CTNNA2: variants seen among roughly 807,000 people sequenced by gnomAD.
CTNNA2 encodes the protein catenin alpha 2.
A neutral mutation model predicts 101.0 loss-of-function variants in CTNNA2; 42 were observed. The observed-to-expected ratio is 0.42, with a 90% confidence interval of 0.32 to 0.54. The LOEUF (loss-of-function observed/expected upper bound fraction) is 0.54. Ranked by LOEUF, CTNNA2 falls within the 20% of genes least tolerant of loss-of-function variation. The pLI, the probability that CTNNA2 is intolerant of heterozygous loss-of-function variation, is 0.14. For synonymous variants in CTNNA2, 450 were observed against 456.4 expected (o/e 0.99, Z 0.18); for missense variants, 871 against 1,223.1 (o/e 0.71, Z 4.29).
intron 15 of CTNNA2, among the ~76,000 whole-genome samples, chr2:80,601,344 A>G (rs1697493026): frequency 6.7e-6 from 1 of 150,316 alleles, no homozygotes. Flanking sequence ...TAGCATTGAG[A>G]TTATCTTCTC....
intron 7 of CTNNA2, among the ~76,000 whole-genome samples, chr2:80,374,584 C>A (rs918998415): frequency 1.3e-5 from 2 of 151,808 alleles, no homozygotes; most frequent in African/African-American, 4.8e-5. Context: ...ATGAAGGAGT[C>A]AACAGGGTTG....
intron 2 of CTNNA2, among the ~76,000 whole-genome samples, chr2:79,237,372 G>A (rs1184635238): frequency 6.6e-6 from 1 of 152,190 alleles, no homozygotes; most frequent in Non-Finnish European, 1.5e-5. Context: ...TTCAGGCTTT[G>A]TTCATTCATT....
At chr2:79,644,965 G>T (rs774253936) in intron 1 of CTNNA2, among the ~76,000 whole-genome samples, 1 of 151,764 alleles carries the variant, frequency 6.6e-6, no homozygotes. Flanking sequence ...GACAATTTAG[G>T]TTCAAGTTTT....
chr2:79,391,044 T>C (rs1388202452), intron 4 of CTNNA2, among the ~76,000 whole-genome samples: 1 of 152,200 alleles, frequency 6.6e-6, no homozygotes, highest in East Asian at 1.9e-4. Flanking sequence ...GAGGAGGTTC[T>C]GATCCCCACT....
At chr2:80,368,271 G>C (rs1464571924) in intron 7 of CTNNA2, among the ~76,000 whole-genome samples, 2 of 152,032 alleles carry the variant, frequency 1.3e-5, no homozygotes, top group Admixed American at 1.3e-4. Flanking sequence ...GTTGCACTGA[G>C]GATTAAAATG....
intron 2 of CTNNA2, among the ~76,000 whole-genome samples, chr2:79,215,193 G>T (rs1029009062): frequency 6.6e-6 from 1 of 152,154 alleles, no homozygotes; most frequent in Non-Finnish European, 1.5e-5. Context: ...TTTCAGTGGG[G>T]TCCTGCACAG....
chr2:80,386,594 A>G (rs1161266455), intron 7 of CTNNA2, among the ~76,000 whole-genome samples: 1 of 152,176 alleles, frequency 6.6e-6, no homozygotes, highest in Non-Finnish European at 1.5e-5. Context: ...CCTGTTGTCT[A>G]AATTGTAGGT....
chr2:79,835,666 G>GTTTTTTGTTTTTTTTTTT (rs1679276639), intron 3 of CTNNA2, among the ~76,000 whole-genome samples: 5 of 58,634 alleles, frequency 8.5e-5, no homozygotes, highest in African/African-American at 3.7e-4. Flanking sequence ...GCCTCTCTTT[G>GTTTTTTGTTTTTTTTTTT]TTTTTTTTTT....
intron 4 of CTNNA2, among the ~76,000 whole-genome samples, chr2:79,382,304 T>G (rs865774703): frequency 6.6e-6 from 1 of 152,096 alleles, no homozygotes; most frequent in Non-Finnish European, 1.5e-5. Flanking sequence ...AGCTTTTAGC[T>G]TGTAGACATT....
intron 3 of CTNNA2, among the ~76,000 whole-genome samples, chr2:79,807,599 A>G (rs60823429): frequency 6.6e-6 from 1 of 152,180 alleles, no homozygotes; most frequent in Non-Finnish European, 1.5e-5. Context: ...TTCAAACATT[A>G]TATTAGCTCT....
At chr2:80,296,208 T>G (rs1675729968) in intron 7 of CTNNA2, among the ~76,000 whole-genome samples, 1 of 152,180 alleles carries the variant, frequency 6.6e-6, no homozygotes, top group Non-Finnish European at 1.5e-5. Context: ...ACACTGATTT[T>G]TAAAATAGAG....
At chr2:79,955,277 T>C (rs1689145164) in intron 7 of CTNNA2, among the ~76,000 whole-genome samples, 1 of 152,190 alleles carries the variant, frequency 6.6e-6, no homozygotes. Context: ...CTTCATGTGG[T>C]TTAATAGATT....
chr2:80,397,771 G>T (rs548699047), intron 8 of CTNNA2, among the ~76,000 whole-genome samples: 1 of 152,290 alleles, frequency 6.6e-6, no homozygotes, highest in East Asian at 1.9e-4. Flanking sequence ...TGGCCATATA[G>T]GGTGTGGACG....
intron 7 of CTNNA2, among the ~76,000 whole-genome samples, chr2:80,214,745 C>T (rs1414961171): frequency 6.6e-6 from 1 of 152,094 alleles, no homozygotes; most frequent in African/African-American, 2.4e-5. Context: ...CTTGGAGTTG[C>T]CCTTCTTGAG....
chr2:80,178,838 A>T (rs1446422422), intron 7 of CTNNA2, among the ~76,000 whole-genome samples: 1 of 152,212 alleles, frequency 6.6e-6, no homozygotes, highest in African/African-American at 2.4e-5. Flanking sequence ...TAGAAATTTT[A>T]CTGAAGTAGA....
intron 7 of CTNNA2, among the ~76,000 whole-genome samples, chr2:79,985,428 A>ACC (rs10681969): frequency 0.032 from 4,895 of 152,114 alleles, 241 homozygotes; most frequent in African/African-American, 0.11. Flanking sequence ...ATGTGTGCAA[A>ACC]CTGCCTCTTC....
chr2:79,909,127 A>G (rs1348948332), intron 6 of CTNNA2, among the ~76,000 whole-genome samples: 1 of 152,094 alleles, frequency 6.6e-6, no homozygotes, highest in African/African-American at 2.4e-5. Context: ...TTCAAAAGGC[A>G]TCCTGCCATG....
chr2:79,340,019 AT>A, intron 3 of CTNNA2: 1 of 152,190 alleles, frequency 6.6e-6, no homozygotes. Flanking sequence ...TTAGTGCGCA[AT>A]TCTGGACATT....
chr2:80,277,288 G>C (rs912851957), intron 7 of CTNNA2, among the ~76,000 whole-genome samples: 1 of 152,082 alleles, frequency 6.6e-6, no homozygotes, highest in Non-Finnish European at 1.5e-5. Context: ...ACAGATCCTT[G>C]AGTTCAGAGT....
Sources: gnomAD v4.1 joint callset for allele counts (sites outside exome capture counted in the v4.1 genomes callset) on GRCh38, gnomAD v4.1.1 for gene constraint, MANE v1.5 for transcripts, NCBI Gene and HGNC (gene_info 2026-07-23, HGNC 2026-07-21) for gene names.